Variants in ACYP2 observed in about 807,000 individuals in gnomAD.
The protein encoded by ACYP2 is acylphosphatase 2, also known as acylphosphatase-2.
ACYP2 carries 12 observed loss-of-function variants against 11.2 expected under a neutral mutation model. That is an observed-to-expected ratio of 1.08 (90% CI 0.69 to 1.74). The LOEUF (loss-of-function observed/expected upper bound fraction) is 1.74, where lower values mean the gene tolerates loss of function less well. ACYP2 is among the 40% of genes most tolerant of loss of function. The pLI, the probability that ACYP2 is intolerant of heterozygous loss-of-function variation, is 0.00. For synonymous variants in ACYP2, 43 were observed against 32.2 expected (o/e 1.33, Z -1.13); for missense variants, 134 against 101.9 (o/e 1.31, Z -1.35).
intron 6 of ACYP2, among the ~76,000 whole-genome samples, chr2:54,283,796 G>A (rs936110686): frequency 6.6e-6 from 1 of 152,228 alleles, no homozygotes; most frequent in African/African-American, 2.4e-5. Flanking sequence ...GATGTAGAAT[G>A]TAGACACTGA....
intron 4 of ACYP2, among the ~76,000 whole-genome samples, chr2:54,134,333 T>G (rs140841327): frequency 1.3e-3 from 194 of 152,124 alleles, no homozygotes; most frequent in African/African-American, 3.4e-3. Flanking sequence ...AATAAATAAA[T>G]AAAGAACTGA....
At chr2:54,001,147 G>A (rs1257903819) in intron 2 of ACYP2, among the ~76,000 whole-genome samples, 1 of 152,168 alleles carries the variant, frequency 6.6e-6, no homozygotes, top group African/African-American at 2.4e-5. Context: ...TTGAGGTCAA[G>A]ACTTCAAGAC....
chr2:54,163,804 C>T (rs551632322), intron 6 of ACYP2, among the ~76,000 whole-genome samples: 7 of 151,786 alleles, frequency 4.6e-5, no homozygotes, highest in Non-Finnish European at 8.8e-5. Flanking sequence ...CGCAGTGGGC[C>T]GAGATTGCAC....
intron 6 of ACYP2, among the ~76,000 whole-genome samples, chr2:54,145,076 A>G (rs772779086): frequency 6.6e-6 from 1 of 151,876 alleles, no homozygotes; most frequent in Non-Finnish European, 1.5e-5. Context: ...ATAGTTTGTA[A>G]TTTCATTTTT....
chr2:54,256,118 T>C (rs1687514306), intron 6 of ACYP2: 2 of 1,613,748 alleles, frequency 1.2e-6, no homozygotes, highest in African/African-American at 1.3e-5. Context: ...TAGTCGAGAG[T>C]AGCGGGGCTG....
rs1436155679 is a variant in ACYP2 at position 54,256,049 on chromosome 2, C to T, written c.405-48639C>T. On this transcript the variant is annotated intron_variant, in intron 6 of 6. Coordinates refer to ENST00000607452, the MANE Select transcript of ACYP2 (RefSeq NM_001320586.2). ...CGGCCATCAAACATATCTGCCATTA[C>T]CTCTGTCGCCTTGCTCTTTTCTCGG... 5.9e-5 allele frequency: 95 copies of T among 1,614,048 alleles called. No individual in the cohort carries two copies. In the South Asian group the frequency reaches 8.7e-4, roughly 15 times the overall value.
intron 6 of ACYP2, among the ~76,000 whole-genome samples, chr2:54,257,435 G>C (rs1186018820): frequency 6.6e-6 from 1 of 152,222 alleles, no homozygotes; most frequent in Non-Finnish European, 1.5e-5. Context: ...GCTACAGCTA[G>C]TCAGTTGGCC....
intron 4 of ACYP2, among the ~76,000 whole-genome samples, chr2:54,077,993 G>A (rs1677436913): frequency 6.7e-6 from 1 of 148,444 alleles, no homozygotes; most frequent in African/African-American, 2.5e-5. Flanking sequence ...TTTTCAAGAT[G>A]GAGTCTCGCT....
At chr2:54,092,451 T>C (rs756916303) in intron 4 of ACYP2, among the ~76,000 whole-genome samples, 10 of 152,180 alleles carry the variant, frequency 6.6e-5, no homozygotes, top group Non-Finnish European at 1.2e-4. Context: ...ACCTATGTTA[T>C]CCTATAATCA....
chr2:54,257,422 T>C (rs1394306700), intron 6 of ACYP2, among the ~76,000 whole-genome samples: 2 of 152,250 alleles, frequency 1.3e-5, no homozygotes, highest in African/African-American at 2.4e-5. Flanking sequence ...ACATAAATCA[T>C]TGGCTACAGC....
chr2:53,995,692 A>G (rs1672542047), intron 2 of ACYP2, among the ~76,000 whole-genome samples: 1 of 151,646 alleles, frequency 6.6e-6, no homozygotes. Flanking sequence ...ACCTCAAGTG[A>G]TCTGTCTGCC....
intron 6 of ACYP2, among the ~76,000 whole-genome samples, chr2:54,159,037 C>T (rs146150243): frequency 1.4e-4 from 22 of 152,108 alleles, no homozygotes; most frequent in African/African-American, 5.3e-4. Flanking sequence ...TATATATACT[C>T]TCTCTATATA....
chr2:54,059,023 G>C (rs1558500218), intron 4 of ACYP2, among the ~76,000 whole-genome samples: 1 of 152,134 alleles, frequency 6.6e-6, no homozygotes, highest in Non-Finnish European at 1.5e-5. Flanking sequence ...TGTGGTTTAT[G>C]GTCATGCTGG....
chr2:54,072,891 T>C (rs1407471863), intron 4 of ACYP2, among the ~76,000 whole-genome samples: 2 of 151,944 alleles, frequency 1.3e-5, no homozygotes, highest in Non-Finnish European at 2.9e-5. Flanking sequence ...AAGTGGAAAA[T>C]TTAAGCTGAT....
intron 4 of ACYP2, among the ~76,000 whole-genome samples, chr2:54,066,742 G>T (rs766881611): frequency 6.6e-6 from 1 of 152,184 alleles, no homozygotes; most frequent in Admixed American, 6.5e-5. Flanking sequence ...AGGAGTTAAA[G>T]AAGTAGTTAA....
At chr2:54,168,403 G>C (rs1410143125) in intron 6 of ACYP2, among the ~76,000 whole-genome samples, 1 of 152,096 alleles carries the variant, frequency 6.6e-6, no homozygotes, top group East Asian at 1.9e-4. Flanking sequence ...TCCAGCCTGG[G>C]CCACAGAAGC....
chr2:54,095,395 T>C (rs1364749550), intron 4 of ACYP2, among the ~76,000 whole-genome samples: 1 of 152,258 alleles, frequency 6.6e-6, no homozygotes, highest in African/African-American at 2.4e-5. Context: ...CAAGGAGCTG[T>C]TGGACACACC....
chr2:54,136,353 G>T (rs1245783768), intron 5 of ACYP2, among the ~76,000 whole-genome samples: 2 of 152,002 alleles, frequency 1.3e-5, no homozygotes, highest in African/African-American at 4.8e-5. Flanking sequence ...TTTTTTTAAA[G>T]TACTCCTTTC....
intron 4 of ACYP2, among the ~76,000 whole-genome samples, chr2:54,122,393 G>A (rs148071852): frequency 3.4e-4 from 52 of 152,274 alleles, no homozygotes; most frequent in African/African-American, 1.2e-3. Context: ...GCAGCATATC[G>A]TGCTGGAGTC....
Sources: gnomAD v4.1 joint callset for allele counts (sites outside exome capture counted in the v4.1 genomes callset) on GRCh38, gnomAD v4.1.1 for gene constraint, MANE v1.5 for transcripts, NCBI Gene and HGNC (gene_info 2026-07-23, HGNC 2026-07-21) for gene names.